Variants in PRKACB observed in about 807,000 individuals in gnomAD.
PRKACB encodes the protein protein kinase cAMP-activated catalytic subunit beta, also known as cAMP-dependent protein kinase catalytic subunit beta.
Under a neutral mutation model 51.4 loss-of-function variants are expected in PRKACB, and 16 were observed. That is an observed-to-expected ratio of 0.31 (90% CI 0.21 to 0.47). The LOEUF is 0.47. Among genes scored for constraint, PRKACB ranks in the 20% least tolerant of loss-of-function variants. The pLI is 1.00. For missense variants in PRKACB, 309 were observed against 464.5 expected (o/e 0.67, Z 3.08); for synonymous variants, 147 against 154.4 (o/e 0.95, Z 0.35).
chr1:84,121,153 T>A (rs1651030395), intron 1 of PRKACB, among the ~76,000 whole-genome samples: 1 of 152,118 alleles, frequency 6.6e-6, no homozygotes, highest in Non-Finnish European at 1.5e-5. Context: ...ACAACATGCC[T>A]ATTCATTATT....
intron 1 of PRKACB, among the ~76,000 whole-genome samples, chr1:84,173,744 G>A (rs920534936): frequency 3.3e-5 from 5 of 151,794 alleles, no homozygotes; most frequent in African/African-American, 1.2e-4. Flanking sequence ...TTTTATTAAG[G>A]TAAAAGAGGG....
At chr1:84,173,747 A>G (rs1191934075) in intron 1 of PRKACB, among the ~76,000 whole-genome samples, 1 of 151,838 alleles carries the variant, frequency 6.6e-6, no homozygotes, top group Non-Finnish European at 1.5e-5. Flanking sequence ...TATTAAGGTA[A>G]AAGAGGGAGA....
intron 8 of PRKACB, among the ~76,000 whole-genome samples, chr1:84,207,764 A>G (rs1305021433): frequency 1.3e-5 from 2 of 152,134 alleles, no homozygotes; most frequent in African/African-American, 4.8e-5. Flanking sequence ...TAGCAGTAAG[A>G]TTTTTCCCTC....
intron 2 of PRKACB, among the ~76,000 whole-genome samples, chr1:84,179,585 AC>A (rs1245395132): frequency 3.3e-5 from 5 of 151,908 alleles, no homozygotes; most frequent in Non-Finnish European, 7.4e-5. Flanking sequence ...GTCCTTACGT[AC>A]AGTTTAAAAT....
chr1:84,214,445 C>A, intron 9 of PRKACB, 128 bp downstream of exon 9: 5 of 894,974 alleles, frequency 5.6e-6, no homozygotes, highest in Non-Finnish European at 7.8e-6. Flanking sequence ...TGTGCAGGAT[C>A]TAAAGTACTT....
intron 5 of PRKACB, among the ~76,000 whole-genome samples, chr1:84,193,629 T>G (rs1667419141): frequency 6.6e-6 from 1 of 152,142 alleles, no homozygotes; most frequent in South Asian, 2.1e-4. Context: ...CAAACTAGTC[T>G]TAGAGTCACA....
chr1:84,138,355 T>C (rs921064849), intron 1 of PRKACB, among the ~76,000 whole-genome samples: 2 of 152,152 alleles, frequency 1.3e-5, no homozygotes, highest in Non-Finnish European at 2.9e-5. Context: ...GTATAAATGC[T>C]ACAGGCATTA....
chr1:84,098,864 A>AT (rs1485167583), intron 1 of PRKACB, among the ~76,000 whole-genome samples: 8 of 152,060 alleles, frequency 5.3e-5, no homozygotes, highest in African/African-American at 1.9e-4. Flanking sequence ...GAATTTGTGC[A>AT]TTTTAAGGAG....
At chr1:84,122,795 T>C (rs927668740) in intron 1 of PRKACB, among the ~76,000 whole-genome samples, 1 of 152,162 alleles carries the variant, frequency 6.6e-6, no homozygotes, top group Non-Finnish European at 1.5e-5. Context: ...GTTTCTGATA[T>C]GGTAGTTTAT....
At chr1:84,124,146 T>A (rs1651347787) in intron 1 of PRKACB, among the ~76,000 whole-genome samples, 1 of 152,194 alleles carries the variant, frequency 6.6e-6, no homozygotes. Flanking sequence ...CATCAGTGTG[T>A]TAGATTCTGG....
At chr1:84,110,030 T>C (rs150802834) in intron 1 of PRKACB, among the ~76,000 whole-genome samples, 1 of 152,066 alleles carries the variant, frequency 6.6e-6, no homozygotes, top group Admixed American at 6.6e-5. Context: ...CATTCTGCTC[T>C]GTTCTTCCCC....
chr1:84,179,042 G>T, intron 1 of PRKACB, 135 bp from the exon 2 acceptor site: 1 of 1,036,464 alleles, frequency 9.6e-7, no homozygotes, highest in Non-Finnish European at 1.4e-6. Context: ...ATGTATCATG[G>T]TGATAAATAT....
At chr1:84,198,487 A>G (rs962770114) in intron 7 of PRKACB, among the ~76,000 whole-genome samples, 1 of 152,136 alleles carries the variant, frequency 6.6e-6, no homozygotes, top group South Asian at 2.1e-4. Flanking sequence ...TGGTTCCCAA[A>G]TGGAATCATT....
exon 1 of PRKACB, chr1:84,078,197 G>A (rs963238226): frequency 8.4e-6 from 9 of 1,068,620 alleles, no homozygotes; most frequent in Non-Finnish European, 1.2e-5. Flanking sequence ...CCGGACTCCT[G>A]GCGCCAGCGC....
At chr1:84,106,291 T>G (rs1649741905) in intron 1 of PRKACB, among the ~76,000 whole-genome samples, 1 of 152,100 alleles carries the variant, frequency 6.6e-6, no homozygotes, top group Admixed American at 6.6e-5. Context: ...ATAAAAGGCA[T>G]TCAAATAGGA....
intron 9 of PRKACB, among the ~76,000 whole-genome samples, chr1:84,223,369 T>C (rs868821783): frequency 1.9e-5 from 1 of 53,200 alleles, no homozygotes; most frequent in Middle Eastern, 6.7e-3. Flanking sequence ...TGTTTTTTTT[T>C]GTTTTTTTGT....
At chr1:84,206,059 A>G (rs577062038) in intron 8 of PRKACB, among the ~76,000 whole-genome samples, 12 of 152,270 alleles carry the variant, frequency 7.9e-5, no homozygotes, top group African/African-American at 2.9e-4. Flanking sequence ...GGAAATATAG[A>G]AAGTTTATAT....
chr1:84,089,659 A>G (rs1648298989), intron 1 of PRKACB, among the ~76,000 whole-genome samples: 1 of 152,144 alleles, frequency 6.6e-6, no homozygotes, highest in African/African-American at 2.4e-5. Context: ...TGACTCATCT[A>G]TCATCACTGC....
At chr1:84,084,233 G>T (rs1300064403) in intron 1 of PRKACB, among the ~76,000 whole-genome samples, 1 of 152,160 alleles carries the variant, frequency 6.6e-6, no homozygotes, top group Non-Finnish European at 1.5e-5. Context: ...GATAAGTGAA[G>T]ATGCAGAGGA....
Sources: gnomAD v4.1 joint callset for allele counts (sites outside exome capture counted in the v4.1 genomes callset) on GRCh38, gnomAD v4.1.1 for gene constraint, MANE v1.5 for transcripts, NCBI Gene and HGNC (gene_info 2026-07-23, HGNC 2026-07-21) for gene names.